Variants in ALX1 observed in about 807,000 individuals in gnomAD.
The protein encoded by ALX1 is ALX homeobox protein 1.
In ALX1, 19 loss-of-function variants were observed where a neutral mutation model predicts 31.7. That is an observed-to-expected ratio of 0.60 (90% CI 0.42 to 0.88). ALX1 has a LOEUF of 0.88. Ranked by LOEUF, ALX1 falls within the 40% of genes least tolerant of loss-of-function variation. The pLI, the probability that ALX1 is intolerant of heterozygous loss-of-function variation, is 0.00. For synonymous variants in ALX1, 153 were observed against 148.8 expected (o/e 1.03, Z -0.20); for missense variants, 415 against 407.8 (o/e 1.02, Z -0.15).
At chr12:85,288,627 T>C (rs1593049608) in intron 3 of ALX1, among the ~76,000 whole-genome samples, 1 of 151,524 alleles carries the variant, frequency 6.6e-6, no homozygotes, top group African/African-American at 2.4e-5. Flanking sequence ...ATCTGGGCAC[T>C]GTTCTAAGCA....
chr12:85,294,206 C>T (rs961195430), intron 3 of ALX1, among the ~76,000 whole-genome samples: 2 of 151,044 alleles, frequency 1.3e-5, no homozygotes, highest in African/African-American at 2.4e-5. Context: ...GCTTAATTTA[C>T]AAGCTTACAT....
At chr12:85,295,382 T>C (rs1196190844) in intron 3 of ALX1, among the ~76,000 whole-genome samples, 1 of 151,578 alleles carries the variant, frequency 6.6e-6, no homozygotes, top group African/African-American at 2.4e-5. Flanking sequence ...GTGAATTTCA[T>C]AAAAGTCTCT....
Position 85,283,869 on chromosome 12 carries a change from G to C in ALX1, c.524G>C (p.Arg175Thr). Residue 175 changes from arginine to threonine, a missense_variant, in exon 2 of 4, where the codon AGG becomes ACG. Physicochemically the swap from Arg to Thr is moderately conservative, Grantham distance 71 (BLOSUM62 -1). This residue lies in a region of ALX1 where 6 missense variants were observed against 21.5 expected (regional missense o/e 0.28). Transcript: ENST00000316824. ...LALRTELTEA[R>T]VQVWFQNRRA... is the part of the protein sequence containing the mutation. The stretch of plus-strand genomic sequence containing the variant: ...CTGAGGACAGAGCTCACTGAGGCCA[G>C]GGTCCAGGTAGGAGCCAAAAAGAGG... 6.2e-7 allele frequency: 1 copy of C among 1,613,902 alleles called. No homozygotes were observed. The highest frequency in any genetic ancestry group is 8.5e-7 in the Non-Finnish European group (1 of 1,179,972).
intron 3 of ALX1, among the ~76,000 whole-genome samples, chr12:85,295,380 C>T (rs986928497): frequency 6.6e-6 from 1 of 151,410 alleles, no homozygotes; most frequent in Admixed American, 6.6e-5. Context: ...TAGTGAATTT[C>T]ATAAAAGTCT....
chr12:85,280,456 G>C lies in ALX1; in HGVS notation c.195G>C (p.Leu65Phe). 1.2e-6 allele frequency: 2 copies of C among 1,611,798 alleles called. No individual in the cohort carries two copies. The highest frequency in any genetic ancestry group is 1.7e-6 in the Non-Finnish European group (2 of 1,180,000). Residue 65 changes from leucine to phenylalanine, a missense_variant, in exon 1 of 4, where the codon TTG becomes TTC. Physicochemically the swap from Leu to Phe is conservative, Grantham distance 22. This residue lies in a region of ALX1 where 235 missense variants were observed against 208.9 expected (regional missense o/e 1.13). Transcript: ENST00000316824. ...PLPRAEHHVR[L>F]ERTSPCQDSS... is the part of the protein sequence containing the mutation. Reference sequence around the variant, plus strand: ...CCCGCGCCGAGCATCACGTGCGCTTGGAGAGGACCTCGCCCTGTCAGGACA... The same window carrying C: ...CCCGCGCCGAGCATCACGTGCGCTTCGAGAGGACCTCGCCCTGTCAGGACA...
At chr12:85,291,626 T>C (rs1263792128) in intron 3 of ALX1, among the ~76,000 whole-genome samples, 1 of 151,198 alleles carries the variant, frequency 6.6e-6, no homozygotes, top group Non-Finnish European at 1.5e-5. Flanking sequence ...ATTGACATTA[T>C]TATCTAGATA....
chr12:85,296,195 T>C (rs1896885164), intron 3 of ALX1, among the ~76,000 whole-genome samples: 1 of 151,570 alleles, frequency 6.6e-6, no homozygotes, highest in South Asian at 2.1e-4. Context: ...AAAGAATATA[T>C]TCATATCAAG....
chr12:85,282,596 A>G (rs146682361), intron 1 of ALX1, among the ~76,000 whole-genome samples: 3,162 of 152,294 alleles, frequency 0.021, 63 homozygotes, highest in Non-Finnish European at 0.027. Flanking sequence ...GTTTGACTTT[A>G]CTTTTTAAAA....
intron 3 of ALX1, among the ~76,000 whole-genome samples, chr12:85,291,021 A>G (rs74111943): frequency 0.2 from 30,415 of 151,008 alleles, 7,065 homozygotes; most frequent in African/African-American, 0.57. Flanking sequence ...GAGTAATAGT[A>G]CAGGTTCACT....
Position 85,301,208 on chromosome 12 carries a change from A to G in ALX1, c.714A>G (p.Ser238=). The change falls in exon 4 of 4, where the codon TCA becomes TCG. Residue 238 remains serine, a synonymous_variant. Transcript: ENST00000316824. The part of the protein sequence containing the change: ...GNASGGSVVT[S]CMLPRDTSSC... ...CAAGTGGTGGTTCTGTGGTTACTTCATGCATGTTACCACGTGACACTTCCT... is the reference window on the plus strand; with the variant it reads ...CAAGTGGTGGTTCTGTGGTTACTTCGTGCATGTTACCACGTGACACTTCCT... The G allele has an allele frequency of 6.2e-7, 1 of 1,614,004 alleles. No homozygotes were observed.
chr12:85,292,532 A>C (rs1175105085), intron 3 of ALX1, among the ~76,000 whole-genome samples: 2 of 151,108 alleles, frequency 1.3e-5, no homozygotes, highest in African/African-American at 4.8e-5. Flanking sequence ...TTAGAATTTG[A>C]ACACGCCAAG....
At chr12:85,290,319 GTTTAA>G (rs1037839411) in intron 3 of ALX1, among the ~76,000 whole-genome samples, 9 of 151,084 alleles carry the variant, frequency 6.0e-5, no homozygotes, top group African/African-American at 1.9e-4. Flanking sequence ...CTATTAACCT[GTTTAA>G]TTTAAGCTCA....
In ALX1 at chr12:85,301,188, G is replaced by A. The variant is rs960499054; in HGVS notation, c.694G>A (p.Gly232Ser). The change falls in exon 4 of 4, where the codon GGT becomes AGT. Residue 232 changes from glycine to serine, a missense_variant. Physicochemically the swap from Gly to Ser is moderately conservative, Grantham distance 56. Around this residue, in one of 3 missense-constraint regions of ALX1, gnomAD observed 174 missense variants for 177.5 expected, o/e 0.98. Coordinates refer to ENST00000316824, the MANE Select transcript of ALX1 (RefSeq NM_006982.3). ...CAATTTGTGGGCAGGAAATGCAAGT[G>A]GTGGTTCTGTGGTTACTTCATGCAT... ...QNNLWAGNAS[G>S]GSVVTSCMLP... The A allele has an allele frequency of 6.2e-7, 1 of 1,613,978 alleles. No homozygotes were observed.
chr12:85,297,652 C>G (rs1896907692), intron 3 of ALX1, among the ~76,000 whole-genome samples: 1 of 151,350 alleles, frequency 6.6e-6, no homozygotes, highest in African/African-American at 2.4e-5. Flanking sequence ...AAGTTGGACT[C>G]CAGTAGTGTT....
At position 85,280,488 on chromosome 12, in the gene ALX1, G is replaced by C; in HGVS notation, c.226+1G>C. The C allele has an allele frequency of 1.2e-6, 2 of 1,610,284 alleles. No homozygotes were observed. The highest frequency in any genetic ancestry group is 1.7e-6 in the Non-Finnish European group (2 of 1,179,852). The stretch of plus-strand genomic sequence containing the variant: ...ACCTCGCCCTGTCAGGACAGCAGCG[G>C]TGAGTCGCTAGCGCCCCAGCCGGAG... On this transcript the variant is annotated splice_donor_variant, in intron 1 of 3. Transcript: ENST00000316824. LOFTEE classifies it high-confidence loss of function.
chr12:85,284,461 T>G (rs926098006), intron 2 of ALX1, among the ~76,000 whole-genome samples: 1 of 152,004 alleles, frequency 6.6e-6, no homozygotes, highest in Non-Finnish European at 1.5e-5. Context: ...TCCTAGTAGT[T>G]GTCAACATGT....
intron 3 of ALX1, among the ~76,000 whole-genome samples, chr12:85,294,543 G>GA (rs1450276637): frequency 2.6e-5 from 4 of 150,992 alleles, no homozygotes; most frequent in African/African-American, 7.3e-5. Flanking sequence ...CAACACCAAA[G>GA]AAAAATGTTC....
At chr12:85,281,308 A>G (rs543174700) in intron 1 of ALX1, among the ~76,000 whole-genome samples, 3 of 152,354 alleles carry the variant, frequency 2.0e-5, no homozygotes, top group African/African-American at 4.8e-5. Context: ...AATGTTATCA[A>G]AACAAACCAT....
intron 2 of ALX1, among the ~76,000 whole-genome samples, chr12:85,284,219 TTG>T (rs971129561): frequency 1.9e-5 from 2 of 107,660 alleles, no homozygotes; most frequent in African/African-American, 6.9e-5. Context: ...GTATATTTAT[TTG>T]TTTTTTTTTT....
Sources: gnomAD v4.1 joint callset for allele counts (sites outside exome capture counted in the v4.1 genomes callset) on GRCh38, gnomAD v4.1.1 for gene constraint, gnomAD v4.1.1 regional missense constraint, MANE v1.5 for transcripts, NCBI Gene and HGNC (gene_info 2026-07-23, HGNC 2026-07-21) for gene names.